Variants in MYT1L observed in about 807,000 individuals in gnomAD.
The protein encoded by MYT1L is myelin transcription factor 1 like.
Under a neutral mutation model 126.7 loss-of-function variants are expected in MYT1L, and 12 were observed. The ratio of observed to expected loss-of-function variants is 0.09; its 90% CI spans 0.06 to 0.15. MYT1L has a LOEUF of 0.15. Ranked by LOEUF, MYT1L falls within the 10% of genes least tolerant of loss-of-function variation. MYT1L has a pLI of 1.00. For synonymous variants in MYT1L, 541 were observed against 604.2 expected, an observed-to-expected ratio of 0.90 and a Z score of 1.53; for missense variants, 979 against 1,585.2, an observed-to-expected ratio of 0.62 and a Z score of 6.49.
intron 2 of MYT1L, among the ~76,000 whole-genome samples, chr2:2,263,042 CA>C (rs1031111226): frequency 3.2e-4 from 47 of 146,350 alleles, no homozygotes; most frequent in Middle Eastern, 3.5e-3. Context: ...AAAGGCAGGG[CA>C]AAAAACACAA....
At chr2:2,219,403 A>G (rs575646011) in intron 2 of MYT1L, among the ~76,000 whole-genome samples, 4 of 152,192 alleles carry the variant, frequency 2.6e-5, no homozygotes, top group South Asian at 2.1e-4. Flanking sequence ...TTTCCTCCCC[A>G]TCTAATTAGG....
chr2:1,970,553 C>T (rs1386391934), intron 8 of MYT1L, among the ~76,000 whole-genome samples: 1 of 152,206 alleles, frequency 6.6e-6, no homozygotes, highest in Non-Finnish European at 1.5e-5. Context: ...ATCCCGTGGT[C>T]GGCAGAGGCT....
At chr2:1,978,245 G>T (rs1371666508) in intron 8 of MYT1L, among the ~76,000 whole-genome samples, 1 of 152,240 alleles carries the variant, frequency 6.6e-6, no homozygotes, top group South Asian at 2.1e-4. Flanking sequence ...ATGTGCGGCA[G>T]ATGCACCCGC....
At chr2:1,849,871 A>T (rs1235442548) in intron 19 of MYT1L, among the ~76,000 whole-genome samples, 2 of 152,184 alleles carry the variant, frequency 1.3e-5, no homozygotes, top group African/African-American at 4.8e-5. Flanking sequence ...GATTTTAATG[A>T]CAAAACAATC....
chr2:2,254,062 A>T (rs1158753386), intron 2 of MYT1L, among the ~76,000 whole-genome samples: 1 of 152,188 alleles, frequency 6.6e-6, no homozygotes, highest in Non-Finnish European at 1.5e-5. Flanking sequence ...GTGTGAAAGG[A>T]ATGTTGTGCA....
At chr2:2,312,074 C>A (rs997228508) in intron 1 of MYT1L, among the ~76,000 whole-genome samples, 1 of 152,144 alleles carries the variant, frequency 6.6e-6, no homozygotes, top group Non-Finnish European at 1.5e-5. Flanking sequence ...GTAGACTTTA[C>A]ACAGCACCTC....
At chr2:1,821,075 G>A (rs1029656010) in intron 21 of MYT1L, among the ~76,000 whole-genome samples, 24 of 152,160 alleles carry the variant, frequency 1.6e-4, no homozygotes, top group African/African-American at 4.8e-5. Context: ...TGATGAACCC[G>A]TCCATATATA....
At chr2:1,843,821 G>A (rs960377231) in intron 19 of MYT1L, among the ~76,000 whole-genome samples, 2 of 152,208 alleles carry the variant, frequency 1.3e-5, no homozygotes, top group African/African-American at 4.8e-5. Context: ...GGGAGCCAGG[G>A]ACAGCTCTGG....
intron 13 of MYT1L, among the ~76,000 whole-genome samples, chr2:1,908,215 G>A (rs943552503): frequency 1.3e-5 from 2 of 152,242 alleles, no homozygotes; most frequent in Non-Finnish European, 2.9e-5. Context: ...GAGCAGCACA[G>A]AAGGCTTCAG....
chr2:2,233,715 G>A (rs908628954), intron 2 of MYT1L, among the ~76,000 whole-genome samples: 2 of 152,172 alleles, frequency 1.3e-5, no homozygotes, highest in African/African-American at 4.8e-5. Context: ...AACCCAAGGT[G>A]GGCTGCTGCC....
intron 2 of MYT1L, among the ~76,000 whole-genome samples, chr2:2,211,811 A>AAAAAAAGCAAACAAACAAAC (rs1395527381): frequency 5.4e-5 from 8 of 148,428 alleles, no homozygotes; most frequent in African/African-American, 1.7e-4. Context: ...GTCAAAAAAA[A>AAAAAAAGCAAACAAACAAAC]AAAAAAAAAA....
At chr2:2,188,582 G>C (rs547537167) in intron 2 of MYT1L, among the ~76,000 whole-genome samples, 1 of 152,314 alleles carries the variant, frequency 6.6e-6, no homozygotes, top group East Asian at 1.9e-4. Context: ...GGTCTATTAA[G>C]AGTCAGACAG....
chr2:1,800,472 A>G (rs1310394548), intron 23 of MYT1L, among the ~76,000 whole-genome samples: 1 of 152,192 alleles, frequency 6.6e-6, no homozygotes, highest in Non-Finnish European at 1.5e-5. Context: ...CAGCAGCCAC[A>G]TGGCCTGGTG....
intron 2 of MYT1L, among the ~76,000 whole-genome samples, chr2:2,280,957 C>G (rs573770844): frequency 6.6e-6 from 1 of 152,292 alleles, no homozygotes; most frequent in Admixed American, 6.5e-5. Flanking sequence ...GGTTTTCCAG[C>G]TTTTGATGAG....
At chr2:2,015,393 A>G (rs114367904) in intron 4 of MYT1L, among the ~76,000 whole-genome samples, 71 of 152,240 alleles carry the variant, frequency 4.7e-4, no homozygotes, top group African/African-American at 1.6e-3. Context: ...CTCTAAAGAT[A>G]AGGAAGCCAT....
At chr2:1,935,248 GTATT>G (rs1387860262) in intron 9 of MYT1L, among the ~76,000 whole-genome samples, 4 of 152,072 alleles carry the variant, frequency 2.6e-5, no homozygotes, top group African/African-American at 9.7e-5. Flanking sequence ...ACTGTATTAT[GTATT>G]TCTTCCAGAA....
chr2:2,084,012 T>C (rs2076110265), intron 3 of MYT1L, among the ~76,000 whole-genome samples: 1 of 150,894 alleles, frequency 6.6e-6, no homozygotes, highest in African/African-American at 2.4e-5. Flanking sequence ...TGCCTTCCTA[T>C]ATTCATTTTA....
rs1312763142 is a variant in MYT1L, at chr2:1,851,708, A to T, written c.2712-5T>A. 6.2e-7 allele frequency: 1 copy of T among 1,613,382 alleles called. No individual in the cohort carries two copies. Among genetic ancestry groups the T allele is most frequent in the Non-Finnish European group, 8.5e-7 (1 of 1,179,464 alleles). On this transcript the variant is annotated splice_region_variant and splice_polypyrimidine_tract_variant and intron_variant, in intron 18 of 24. Transcript: ENST00000647738. ...TCACAGCCAGGCGTGGGGCACCTAC[A>T]ATAAAAAATGCAAATTGTGTTAAAA...
chr2:1,904,986 C>T (rs972773403), intron 13 of MYT1L, among the ~76,000 whole-genome samples: 4 of 151,662 alleles, frequency 2.6e-5, no homozygotes, highest in Non-Finnish European at 5.9e-5. Flanking sequence ...TTAGTAGAGA[C>T]GGGGTTTCAC....
Sources: allele counts gnomAD v4.1 joint callset (sites outside exome capture counted in the v4.1 genomes callset), GRCh38; gene constraint gnomAD v4.1.1; transcripts MANE v1.5; gene names NCBI Gene and HGNC (gene_info 2026-07-23, HGNC 2026-07-21).